TSPAN14: variants seen among roughly 807,000 people sequenced by gnomAD.
TSPAN14 encodes the protein tetraspanin 14.
Under a neutral mutation model 36.6 loss-of-function variants are expected in TSPAN14, and 16 were observed. The ratio of observed to expected loss-of-function variants is 0.44; its 90% CI spans 0.30 to 0.66. The LOEUF (loss-of-function observed/expected upper bound fraction) is 0.66. Among genes scored for constraint, TSPAN14 ranks in the 30% least tolerant of loss-of-function variants. The pLI is 0.12. For missense variants in TSPAN14, 231 were observed against 355.1 expected (o/e 0.65, Z 2.81); for synonymous variants, 139 against 143.8 (o/e 0.97, Z 0.24).
exon 9 of TSPAN14, chr10:80,522,000 G>A (rs1841290832): frequency 6.6e-6 from 1 of 151,744 alleles, no homozygotes; most frequent in Admixed American, 6.6e-5. Flanking sequence ...GGGCATTGTA[G>A]AACTTGGGGC....
intron 3 of TSPAN14, 124 bp downstream of exon 3, chr10:80,504,902 T>C (rs1394603702): frequency 1.1e-5 from 11 of 1,038,722 alleles, no homozygotes; most frequent in Non-Finnish European, 1.6e-5. Context: ...TCAAGGTGTA[T>C]AATTGTCAAT....
chr10:80,483,774 G>T (rs1034199913), intron 1 of TSPAN14, among the ~76,000 whole-genome samples: 3 of 151,806 alleles, frequency 2.0e-5, no homozygotes, highest in African/African-American at 7.3e-5. Flanking sequence ...GTTGGACATG[G>T]TGTCGGTCGC....
chr10:80,518,041 C>T (rs1273821343), exon 9 of TSPAN14: 2 of 1,510,170 alleles, frequency 1.3e-6, no homozygotes, highest in East Asian at 2.5e-5. Flanking sequence ...CTGCCATCAG[C>T]CCTACGTCCA....
intron 1 of TSPAN14, among the ~76,000 whole-genome samples, chr10:80,479,347 T>G (rs1192427222): frequency 2.0e-5 from 3 of 151,778 alleles, no homozygotes; most frequent in Non-Finnish European, 2.9e-5. Flanking sequence ...TTTTGGTGTT[T>G]TAGACATGAA....
At chr10:80,498,454 C>T (rs1000650312) in intron 2 of TSPAN14, among the ~76,000 whole-genome samples, 1 of 152,172 alleles carries the variant, frequency 6.6e-6, no homozygotes, top group African/African-American at 2.4e-5. Context: ...TTCTTTCCAT[C>T]ATCCTTTCCT....
At chr10:80,462,188 A>G (rs891593070) in intron 1 of TSPAN14, among the ~76,000 whole-genome samples, 1 of 152,192 alleles carries the variant, frequency 6.6e-6, no homozygotes, top group African/African-American at 2.4e-5. Flanking sequence ...CTTATTGAAC[A>G]TATTTAGCAG....
chr10:80,512,101 C>T, intron 5 of TSPAN14, 43 bp from the exon 6 acceptor site: 2 of 1,613,310 alleles, frequency 1.2e-6, no homozygotes, highest in South Asian at 1.1e-5. Flanking sequence ...CAGCCATGGC[C>T]CTGTCTTGGA....
At chr10:80,482,453 A>G (rs1228093727) in intron 1 of TSPAN14, among the ~76,000 whole-genome samples, 1 of 148,604 alleles carries the variant, frequency 6.7e-6, no homozygotes, top group African/African-American at 2.5e-5. Flanking sequence ...CGCCTGGCTA[A>G]TTTTTTGTAT....
intron 3 of TSPAN14, among the ~76,000 whole-genome samples, chr10:80,505,176 G>A (rs555500288): frequency 2.6e-5 from 4 of 152,360 alleles, no homozygotes; most frequent in South Asian, 2.1e-4. Flanking sequence ...AGCAGGGAGC[G>A]GGGCTGGGTG....
At chr10:80,514,138 A>T (rs1046266666) in intron 7 of TSPAN14, 75 bp downstream of exon 7, 2 of 1,396,122 alleles carry the variant, frequency 1.4e-6, no homozygotes, top group Non-Finnish European at 2.0e-6. Flanking sequence ...CTGATTTAGC[A>T]CGAGTGCAAA....
chr10:80,496,000 C>CT (rs1019871994), intron 2 of TSPAN14, among the ~76,000 whole-genome samples: 3 of 151,736 alleles, frequency 2.0e-5, no homozygotes, highest in Non-Finnish European at 2.9e-5. Context: ...TGGTATCTGA[C>CT]TTTTTTTTAG....
intron 1 of TSPAN14, among the ~76,000 whole-genome samples, chr10:80,473,851 T>C (rs572225295): frequency 1.3e-5 from 2 of 152,012 alleles, no homozygotes; most frequent in Non-Finnish European, 2.9e-5. Context: ...GTTCTGGCTC[T>C]AAGGGGTGAG....
intron 2 of TSPAN14, among the ~76,000 whole-genome samples, chr10:80,501,376 T>G (rs151164080): frequency 4.6e-4 from 68 of 148,228 alleles, no homozygotes; most frequent in Non-Finnish European, 8.5e-4. Flanking sequence ...TCCTCCTGCC[T>G]CAGCCTCCCA....
intron 1 of TSPAN14, among the ~76,000 whole-genome samples, chr10:80,480,699 A>G (rs1449497984): frequency 6.6e-6 from 1 of 152,016 alleles, no homozygotes; most frequent in Non-Finnish European, 1.5e-5. Flanking sequence ...CAAACACCGT[A>G]TATTCTCACT....
intron 2 of TSPAN14, among the ~76,000 whole-genome samples, chr10:80,492,488 A>T (rs549843507): frequency 6.6e-6 from 1 of 152,168 alleles, no homozygotes; most frequent in Non-Finnish European, 1.5e-5. Context: ...TGGGACAAAT[A>T]TGAGGTTTTA....
intron 7 of TSPAN14, 152 bp downstream of exon 7, chr10:80,514,215 C>G (rs1840811367): frequency 1.4e-6 from 1 of 694,284 alleles, no homozygotes; most frequent in Non-Finnish European, 2.5e-6. Flanking sequence ...GGCACAGGGT[C>G]ACATACACTG....
chr10:80,479,169 T>G (rs1564720636), intron 1 of TSPAN14, among the ~76,000 whole-genome samples: 1 of 152,036 alleles, frequency 6.6e-6, no homozygotes, highest in Non-Finnish European at 1.5e-5. Context: ...TTTGTTTGAG[T>G]TCATTGCAGA....
exon 9 of TSPAN14, chr10:80,521,155 G>T: frequency 3.7e-6 from 1 of 268,540 alleles, no homozygotes; most frequent in Non-Finnish European, 7.3e-6. Flanking sequence ...GACTGTAGGT[G>T]GCTGCAGTGT....
intron 2 of TSPAN14, among the ~76,000 whole-genome samples, chr10:80,500,390 C>G (rs1377416471): frequency 1.7e-5 from 2 of 118,444 alleles, no homozygotes; most frequent in African/African-American, 6.6e-5. Flanking sequence ...AGTGCAATGG[C>G]GTGATCTTGG....
Sources: allele counts gnomAD v4.1 joint callset (sites outside exome capture counted in the v4.1 genomes callset), GRCh38; gene constraint gnomAD v4.1.1; transcripts MANE v1.5; gene names NCBI Gene and HGNC (gene_info 2026-07-23, HGNC 2026-07-21).